The following GPR15LG variants were observed in gnomAD, a reference collection of about 807,000 sequenced individuals.
The protein encoded by GPR15LG is G protein-coupled receptor 15 ligand.
chr10:84,180,575 C>T, the GPR15LG span, among the ~76,000 whole-genome samples: 14 of 151,094 alleles, frequency 9.3e-5, no homozygotes, highest in Non-Finnish European at 1.8e-4. Flanking sequence ...GGATGACGGC[C>T]GGGAAGAGGC....
chr10:84,182,154 G>A, the GPR15LG span, among the ~76,000 whole-genome samples: 2,116 of 152,306 alleles, frequency 0.014, 42 homozygotes, highest in African/African-American at 0.048. Flanking sequence ...AATGTTACCC[G>A]TTGAGGATAT....
the GPR15LG span, chr10:84,176,382 C>T: frequency 8.2e-5 from 71 of 867,942 alleles, no homozygotes; most frequent in South Asian, 7.6e-4. Context: ...CTGAGTTTCT[C>T]TGGATAAATA....
the GPR15LG span, among the ~76,000 whole-genome samples, chr10:84,181,623 G>A: frequency 6.6e-6 from 1 of 152,092 alleles, no homozygotes. Flanking sequence ...GTCTTACTAT[G>A]ATGCCCAGGC....
chr10:84,176,474 C>G, the GPR15LG span: 1 of 1,609,528 alleles, frequency 6.2e-7, no homozygotes, highest in African/African-American at 1.3e-5. Context: ...TTGTGTCCAC[C>G]CTCAGGGAAG....
At chr10:84,177,204 G>A in the GPR15LG span, among the ~76,000 whole-genome samples, 1 of 152,234 alleles carries the variant, frequency 6.6e-6, no homozygotes, top group Non-Finnish European at 1.5e-5. Flanking sequence ...TGAGGCCTGG[G>A]GACACTGGGA....
At chr10:84,173,977 C>A in the GPR15LG span, 1 of 1,351,556 alleles carries the variant, frequency 7.4e-7, no homozygotes, top group Non-Finnish European at 1.1e-6. Context: ...TCTGGGAAGA[C>A]TCTGATCAGG....
chr10:84,174,937 AG>A, the GPR15LG span, among the ~76,000 whole-genome samples: 4 of 152,356 alleles, frequency 2.6e-5, no homozygotes, highest in Non-Finnish European at 4.4e-5. Flanking sequence ...AAATATATAA[AG>A]AGAAGAAAAA....
the GPR15LG span, chr10:84,185,112 A>G: frequency 8.9e-7 from 1 of 1,127,224 alleles, no homozygotes; most frequent in African/African-American, 1.7e-5. Context: ...CAAGCACCCA[A>G]GGGTGGCTGA....
chr10:84,176,562 C>A, the GPR15LG span: 3 of 1,613,328 alleles, frequency 1.9e-6, no homozygotes, highest in Admixed American at 3.3e-5. Context: ...ACTCAACAAA[C>A]CTGAAAGGTA....
chr10:84,176,007 A>G, the GPR15LG span, among the ~76,000 whole-genome samples: 1 of 151,374 alleles, frequency 6.6e-6, no homozygotes, highest in African/African-American at 2.4e-5. Flanking sequence ...TCCTGCCTCA[A>G]CCTCCTGAGT....
chr10:84,179,762 A>G, the GPR15LG span, among the ~76,000 whole-genome samples: 2 of 152,166 alleles, frequency 1.3e-5, no homozygotes, highest in Non-Finnish European at 2.9e-5. Flanking sequence ...TGGGGATGAC[A>G]ATATGTGGAA....
the GPR15LG span, chr10:84,173,894 C>T: frequency 6.2e-7 from 1 of 1,613,800 alleles, no homozygotes; most frequent in Non-Finnish European, 8.5e-7. Flanking sequence ...TATCCTGCTT[C>T]TCTGCTTCTC....
the GPR15LG span, among the ~76,000 whole-genome samples, chr10:84,179,036 G>T: frequency 1.3e-5 from 2 of 152,184 alleles, no homozygotes. Flanking sequence ...CTTCCCCTGT[G>T]GACAGAAAGT....
At chr10:84,179,240 C>T in the GPR15LG span, among the ~76,000 whole-genome samples, 2 of 152,192 alleles carry the variant, frequency 1.3e-5, no homozygotes, top group African/African-American at 4.8e-5. Context: ...CCTCACTGGA[C>T]CATGATGAGC....
chr10:84,176,540 TC>T, the GPR15LG span: 1 of 1,613,130 alleles, frequency 6.2e-7, no homozygotes, highest in African/African-American at 1.3e-5. Flanking sequence ...TGCCACCGAG[TC>T]CCTAGCCCCA....
At chr10:84,176,357 G>A in the GPR15LG span, 19 of 748,068 alleles carry the variant, frequency 2.5e-5, no homozygotes, top group Middle Eastern at 2.3e-4. Context: ...AGGACCTCTC[G>A]TAGCCTGGCT....
At chr10:84,177,319 G>A in the GPR15LG span, among the ~76,000 whole-genome samples, 1 of 152,228 alleles carries the variant, frequency 6.6e-6, no homozygotes, top group Non-Finnish European at 1.5e-5. Context: ...GCCCAGCCCA[G>A]GTGGAAGGGT....
At chr10:84,173,852 A>G in the GPR15LG span, 5 of 1,612,480 alleles carry the variant, frequency 3.1e-6, no homozygotes, top group Non-Finnish European at 4.2e-6. Context: ...CCTTCTCACC[A>G]TGAGGCTTCT....
the GPR15LG span, among the ~76,000 whole-genome samples, chr10:84,179,792 A>G: frequency 6.6e-6 from 1 of 151,934 alleles, no homozygotes; most frequent in African/African-American, 2.4e-5. Context: ...CTCTGGGTCA[A>G]TGGGACAAAA....
Sources: allele counts gnomAD v4.1 joint callset (sites outside exome capture counted in the v4.1 genomes callset), GRCh38; gene constraint gnomAD v4.1.1; transcripts MANE v1.5; gene names NCBI Gene and HGNC (gene_info 2026-07-23, HGNC 2026-07-21).